The following MAX variants were observed in gnomAD, a reference collection of about 807,000 sequenced individuals.
The protein encoded by MAX is MYC associated transcriptional regulator X.
A neutral mutation model predicts 22.3 loss-of-function variants in MAX; 3 were observed. The ratio of observed to expected loss-of-function variants is 0.13; its 90% CI spans 0.06 to 0.35. The LOEUF (loss-of-function observed/expected upper bound fraction) is 0.35, where lower values mean the gene tolerates loss of function less well. MAX is among the 10% of genes least tolerant of loss of function. The probability of loss-of-function intolerance (pLI) is 1.00; values close to 1 mark genes in which losing one functional copy is unlikely to be tolerated. For synonymous variants in MAX, 72 were observed against 77.7 expected (o/e 0.93, Z 0.39); for missense variants, 119 against 209.4 (o/e 0.57, Z 2.66).
chr14:65,070,021 G>A lies in MAX; in HGVS notation c.171+23687C>T, dbSNP rs763830095. On this transcript the variant is annotated intron_variant, in intron 3 of 3. Coordinates refer to the MAX transcript ENST00000341653. The surrounding 1 kb of genome is among the most constrained non-coding windows in gnomAD (Gnocchi z 4.4). ...CCCAGAGCTGTTGATGGCACCAGCA[G>A]ACAGGAAACAATGAAGCTCTCAAGC... Among the ~76,000 whole-genome samples the A allele has an allele frequency of 1.2e-4, 18 of 152,228 alleles. No individual in the cohort carries two copies. Among genetic ancestry groups the A allele is most frequent in the Non-Finnish European group, 2.5e-4 (17 of 68,044 alleles).
rs768367343 is a variant in MAX at position 65,054,740 on chromosome 14, CAGAA to C, written c.171+38964_171+38967del. 3.9e-6 allele frequency: 6 copies of C among 1,546,662 alleles called. No individual in the cohort carries two copies. In the East Asian group the frequency reaches 1.5e-4, roughly 37 times the overall value. ...CCCTTCTCCACAGGGACCTCGCGGA[CAGAA>C]GGCTTTCCAAGTAAGCAGAACTGGC... On this transcript the variant is annotated intron_variant, in intron 3 of 3. Transcript: ENST00000341653. The surrounding 1 kb of genome is among the most constrained non-coding windows in gnomAD (Gnocchi z 4.4).
chr14:65,093,636 G>A lies in MAX; in HGVS notation c.171+72C>T. On this transcript the variant is annotated intron_variant, in intron 3 of 4. Coordinates refer to ENST00000358664, the MANE Select transcript of MAX (RefSeq NM_002382.5). This position sits in a 1 kb window ranked among gnomAD's most constrained non-coding sequence, Gnocchi z 4.4. ...ACTACATTTCCTTCCCAATAGGTGA[G>A]TGCTCTGCTAAGCTCTGCAACAAGT... 2.4e-6 allele frequency: 2 copies of A among 834,470 alleles called. No homozygotes were observed. Among genetic ancestry groups the A allele is most frequent in the Admixed American group, 3.4e-5 (2 of 58,046 alleles). 51.7% of individuals were successfully genotyped at this position (834,470 alleles called of 1,614,324 possible).
chr14:65,009,900 C>T lies in MAX; in HGVS notation c.172-3616G>A, dbSNP rs2061657616. On this transcript the variant is annotated intron_variant, in intron 3 of 3. Transcript: ENST00000341653. This position sits in a 1 kb window ranked among gnomAD's most constrained non-coding sequence, Gnocchi z 4.2. ...TGCTTGTCATTTTCACATGTGTGTC[C>T]ACCTCTGGACTGTCGCTCTAGGGTA... Among the ~76,000 whole-genome samples, 1 of 152,086 alleles carries T rather than the reference C, an allele frequency of 6.6e-6. No individual in the cohort carries two copies. Among genetic ancestry groups the T allele is most frequent in the South Asian group, 2.1e-4 (1 of 4,826 alleles).
downstream of MAX, among the ~76,000 whole-genome samples, chr14:65,071,956 G>A (rs2139721767): frequency 6.6e-6 from 1 of 152,332 alleles, no homozygotes; most frequent in Admixed American, 6.5e-5. This position sits in a 1 kb window ranked among gnomAD's most constrained non-coding sequence, Gnocchi z 4.2. Context: ...CCCTTCCCAA[G>A]GGAACTTTGG....
rs1042204442 is a variant in MAX, at chr14:65,011,157, G to T, written c.172-4873C>A. Among the ~76,000 whole-genome samples, 1 of 152,162 alleles carries T rather than the reference G, an allele frequency of 6.6e-6. No individual in the cohort carries two copies. Among genetic ancestry groups the T allele is most frequent in the Non-Finnish European group, 1.5e-5 (1 of 68,026 alleles). ...AAAGACTACATGAAGGGCTGGGTGCGGTGGCTCACGCCTGTAATCCCAGCA... is the reference window on the plus strand; with the variant it reads ...AAAGACTACATGAAGGGCTGGGTGCTGTGGCTCACGCCTGTAATCCCAGCA... On this transcript the variant is annotated intron_variant, in intron 3 of 3. Coordinates refer to the MAX transcript ENST00000341653. The surrounding 1 kb of genome is among the most constrained non-coding windows in gnomAD (Gnocchi z 4.0).
downstream of MAX, among the ~76,000 whole-genome samples, chr14:65,072,404 G>A (rs780194469): frequency 1.3e-5 from 2 of 152,206 alleles, no homozygotes; most frequent in Non-Finnish European, 2.9e-5. Context: ...CATCAAGGCA[G>A]CTCTAAGGGT....
intron 3 of MAX, among the ~76,000 whole-genome samples, chr14:65,022,285 T>G (rs1404992039): frequency 6.2e-5 from 4 of 64,344 alleles, no homozygotes; most frequent in South Asian, 6.2e-4. Flanking sequence ...TTTTTTTCTG[T>G]TTTTTTTTTT....
At position 65,075,780 on chromosome 14, in the gene MAX, A is replaced by T. The variant is rs2063042489; in HGVS notation, c.*696T>A. ...TGCCATCTCCCATACATACCACGAGAGTGTCACACGGCCCTCCGTGAGGCT... is the reference window on the plus strand; with the variant it reads ...TGCCATCTCCCATACATACCACGAGTGTGTCACACGGCCCTCCGTGAGGCT... On this transcript the variant is annotated 3_prime_UTR_variant, in exon 5 of 5. Transcript: ENST00000358664. This position sits in a 1 kb window ranked among gnomAD's most constrained non-coding sequence, Gnocchi z 4.1. 2.8e-6 allele frequency: 3 copies of T among 1,063,162 alleles called. No individual in the cohort carries two copies. The highest frequency in any genetic ancestry group is 2.3e-6 in the Non-Finnish European group (2 of 877,832). 65.9% of individuals were successfully genotyped at this position (1,063,162 alleles called of 1,614,324 possible). A position where few individuals can be genotyped will look rare whatever the true frequency, so the allele number is the denominator to read the frequency against.
chr14:65,077,067 G>C lies in MAX; in HGVS notation c.296-404C>G, dbSNP rs765896539. 15 of 564,814 alleles carry C rather than the reference G, an allele frequency of 2.7e-5. No individual in the cohort carries two copies. The highest frequency in any genetic ancestry group is 4.1e-5 in the Non-Finnish European group (13 of 318,624). 35.0% of individuals were successfully genotyped at this position (564,814 alleles called of 1,614,324 possible). ...ACAACAGCAGGAAAGGATGACATAA[G>C]ACGTATCAGCCAAAGAACAGTTTTG... On this transcript the variant is annotated intron_variant, in intron 4 of 4. Transcript: ENST00000358664. This position sits in a 1 kb window ranked among gnomAD's most constrained non-coding sequence, Gnocchi z 6.3.
At chr14:65,094,247 G>A in intron 2 of MAX, 1 of 245,594 alleles carries the variant, frequency 4.1e-6, no homozygotes, top group East Asian at 9.5e-5. Flanking sequence ...GGGTGTCCAG[G>A]GGAAGAAAGA....
At chr14:65,015,541 G>A in intron 3 of MAX, 15 of 1,439,770 alleles carry the variant, frequency 1.0e-5, no homozygotes, top group Non-Finnish European at 1.4e-5. Context: ...CCAGGCTGCT[G>A]GGAGTGAGAC....
rs969544117 is a variant in MAX, at chr14:65,088,570, T to C, written c.171+5138A>G. 5.3e-5 allele frequency among the ~76,000 whole-genome samples: 8 copies of C among 152,194 alleles called. No individual in the cohort carries two copies. Among genetic ancestry groups the C allele is most frequent in the Admixed American group, 2.0e-4 (3 of 15,282 alleles). Reference sequence around the variant, plus strand: ...TAGCAGCTCAGATATGCTATAGACATAGGTTACCGAATGAACTGTCAGCCT... The same window carrying C: ...TAGCAGCTCAGATATGCTATAGACACAGGTTACCGAATGAACTGTCAGCCT... On this transcript the variant is annotated intron_variant, in intron 3 of 4. Transcript: ENST00000358664. The surrounding 1 kb of genome is among the most constrained non-coding windows in gnomAD (Gnocchi z 5.2).
At chr14:65,096,114 C>T (rs2063665768) in intron 2 of MAX, among the ~76,000 whole-genome samples, 1 of 152,174 alleles carries the variant, frequency 6.6e-6, no homozygotes, top group Admixed American at 6.5e-5. Flanking sequence ...GTTGGCTCAA[C>T]AAGGAAAGGC....
Position 65,101,582 on chromosome 14 carries a change from G to C in MAX, c.37-10C>G, listed in dbSNP as rs1457798349. On this transcript the variant is annotated splice_polypyrimidine_tract_variant and intron_variant, in intron 1 of 4. Transcript: ENST00000358664. ...ACCTCGGTTGCTCTTCCTGGAATAA[G>C]AGAGAAAAAAAAAAATAGAAAATAT... 2 of 1,578,294 alleles carry C rather than the reference G, an allele frequency of 1.3e-6. No individual in the cohort carries two copies. The highest frequency in any genetic ancestry group is 1.7e-5 in the Admixed American group (1 of 58,222).
In MAX at chr14:65,027,704, G is replaced by A. The variant is rs1341080388; in HGVS notation, c.172-21420C>T. 3 of 1,614,194 alleles carry A rather than the reference G, an allele frequency of 1.9e-6. No homozygotes were observed. Among genetic ancestry groups the A allele is most frequent in the Admixed American group, 3.3e-5 (2 of 60,030 alleles). On this transcript the variant is annotated intron_variant, in intron 3 of 3. Transcript: ENST00000341653. The surrounding 1 kb of genome is among the most constrained non-coding windows in gnomAD (Gnocchi z 5.7). ...CTCTTTCCCTGTTTCTCAGAGAGAA[G>A]CTTCTTCAGTATTTGTACTCCCTGA... is the stretch of plus-strand genomic sequence containing the variant.
intron 3 of MAX, among the ~76,000 whole-genome samples, chr14:65,042,922 G>A (rs1161442189): frequency 1.3e-5 from 2 of 152,188 alleles, no homozygotes; most frequent in Non-Finnish European, 2.9e-5. Context: ...TGAACCTGCA[G>A]TACAGTGTTT....
chr14:65,054,736 C>G lies in MAX; in HGVS notation c.171+38972G>C. ...ACACCCCTTCTCCACAGGGACCTCG[C>G]GGACAGAAGGCTTTCCAAGTAAGCA... On this transcript the variant is annotated intron_variant, in intron 3 of 3. Coordinates refer to the MAX transcript ENST00000341653. This position sits in a 1 kb window ranked among gnomAD's most constrained non-coding sequence, Gnocchi z 4.4. 1.3e-6 allele frequency: 2 copies of G among 1,551,630 alleles called. No individual in the cohort carries two copies. Among genetic ancestry groups the G allele is most frequent in the Non-Finnish European group, 1.7e-6 (2 of 1,143,130 alleles).
downstream of MAX, among the ~76,000 whole-genome samples, chr14:65,072,449 A>C (rs1306374007): frequency 6.6e-6 from 1 of 152,170 alleles, no homozygotes; most frequent in Non-Finnish European, 1.5e-5. Context: ...CCCCACCTTC[A>C]TCCTGACCTC....
intron 2 of MAX, among the ~76,000 whole-genome samples, chr14:65,096,054 A>G (rs113511490): frequency 1.3e-5 from 2 of 152,342 alleles, no homozygotes; most frequent in African/African-American, 4.8e-5. Context: ...GCTGTAGATC[A>G]TGAGCAGAAA....
Sources: gnomAD v4.1 joint callset for allele counts (sites outside exome capture counted in the v4.1 genomes callset) on GRCh38, gnomAD v4.1.1 for gene constraint, Gnocchi (gnomAD v3.1) non-coding constraint, MANE v1.5 for transcripts, NCBI Gene and HGNC (gene_info 2026-07-23, HGNC 2026-07-21) for gene names.